The following NDUFS2 variants were observed in gnomAD, a reference collection of about 807,000 sequenced individuals.
NDUFS2 encodes NADH:ubiquinone oxidoreductase core subunit S2.
In NDUFS2, 38 loss-of-function variants were observed where a neutral mutation model predicts 69.6. The ratio of observed to expected loss-of-function variants is 0.55; its 90% CI spans 0.42 to 0.72. The LOEUF (loss-of-function observed/expected upper bound fraction) is 0.72, where lower values mean the gene tolerates loss of function less well. NDUFS2 is among the 30% of genes least tolerant of loss of function. The pLI, the probability that NDUFS2 is intolerant of heterozygous loss-of-function variation, is 0.00. For missense variants in NDUFS2, 468 were observed against 595.0 expected (o/e 0.79, Z 2.22); for synonymous variants, 194 against 211.2 (o/e 0.92, Z 0.70).
chr1:161,202,430 C>T lies in NDUFS2; in HGVS notation c.45C>T (p.Ala15=), dbSNP rs762080124. The part of the protein sequence containing the change: ...RALCGFRGVA[A]QVLRPGAGVR... Reference sequence around the variant, plus strand: ...TGTGCGGCTTCCGGGGCGTCGCGGCCCAGGTGCTGCGGCCTGGGGCTGGAG... The same window carrying T: ...TGTGCGGCTTCCGGGGCGTCGCGGCTCAGGTGCTGCGGCCTGGGGCTGGAG... The change falls in exon 1 of 14, where the codon GCC becomes GCT. Residue 15 remains alanine, a synonymous_variant. Coordinates refer to ENST00000676972, the MANE Select transcript of NDUFS2 (RefSeq NM_001377299.1). The T allele has an allele frequency of 6.2e-7, 1 of 1,612,908 alleles. No homozygotes were observed. The highest frequency in any genetic ancestry group is 8.5e-7 in the Non-Finnish European group (1 of 1,179,732).
In NDUFS2 at chr1:161,214,229, G is replaced by A; in HGVS notation, c.*36G>A. The A allele has an allele frequency of 6.3e-7, 1 of 1,586,424 alleles. No individual in the cohort carries two copies. The highest frequency in any genetic ancestry group is 1.1e-5 in the South Asian group (1 of 90,360). ...AGCGTTTGATCCCCCCTGCCTATCAGCTTCTTCTGTGGAGCCTGTTCCTCA... is the reference window on the plus strand; with the variant it reads ...AGCGTTTGATCCCCCCTGCCTATCAACTTCTTCTGTGGAGCCTGTTCCTCA... On this transcript the variant is annotated 3_prime_UTR_variant, in exon 14 of 14. Coordinates refer to ENST00000676972, the MANE Select transcript of NDUFS2 (RefSeq NM_001377299.1).
At chr1:161,211,056 G>A (rs1665744753) in intron 9 of NDUFS2, among the ~76,000 whole-genome samples, 1 of 152,050 alleles carries the variant, frequency 6.6e-6, no homozygotes, top group Admixed American at 6.6e-5. Context: ...TGTATTTTTA[G>A]TAGAGACGGG....
chr1:161,201,695 T>C (rs769169628), upstream of NDUFS2, among the ~76,000 whole-genome samples: 45 of 152,260 alleles, frequency 3.0e-4, no homozygotes, highest in Non-Finnish European at 5.7e-4. Flanking sequence ...GCCTGGAGGA[T>C]GTCAGGGTCA....
chr1:161,203,040 C>T (rs972067697), intron 1 of NDUFS2, among the ~76,000 whole-genome samples: 1 of 152,094 alleles, frequency 6.6e-6, no homozygotes, highest in Non-Finnish European at 1.5e-5. Flanking sequence ...GGCGCGGTGG[C>T]TCACACCTGT....
At chr1:161,202,209 T>C (rs557557868), upstream of NDUFS2, 32 of 674,892 alleles carry the variant, frequency 4.7e-5, no homozygotes, top group Admixed American at 1.7e-4. Flanking sequence ...GTCACTGTTA[T>C]CTAAACGCAA....
At position 161,202,418 on chromosome 1, in the gene NDUFS2, G is replaced by A; in HGVS notation, c.33G>A (p.Arg11=). MAALRALCGF[R]GVAAQVLRPG... is the part of the protein sequence containing the mutation. Reference sequence around the variant, plus strand: ...CGCTGAGGGCTTTGTGCGGCTTCCGGGGCGTCGCGGCCCAGGTGCTGCGGC... The same window carrying A: ...CGCTGAGGGCTTTGTGCGGCTTCCGAGGCGTCGCGGCCCAGGTGCTGCGGC... Residue 11 remains arginine (R), a synonymous_variant, in exon 1 of 14, where the codon CGG becomes CGA. Transcript: ENST00000676972. The A allele has an allele frequency of 6.2e-7, 1 of 1,612,938 alleles. No individual in the cohort carries two copies. Among genetic ancestry groups the A allele is most frequent in the Non-Finnish European group, 8.5e-7 (1 of 1,179,740 alleles).
chr1:161,198,582 A>G, upstream of NDUFS2: 1 of 1,544,988 alleles, frequency 6.5e-7, no homozygotes. The surrounding 1 kb of genome is among the most constrained non-coding windows in gnomAD (Gnocchi z 4.7). Flanking sequence ...CCCCACAGCC[A>G]GCGCCCTGCC....
At chr1:161,208,059 A>G (rs1034611953) in intron 3 of NDUFS2, among the ~76,000 whole-genome samples, 7 of 137,290 alleles carry the variant, frequency 5.1e-5, no homozygotes, top group Non-Finnish European at 1.1e-4. Context: ...ATCTTGGCTC[A>G]CTGCAAACTC....
chr1:161,198,131 T>G (rs950997491), upstream of NDUFS2: 37 of 1,613,848 alleles, frequency 2.3e-5, no homozygotes, highest in Non-Finnish European at 3.1e-5. The surrounding 1 kb of genome is among the most constrained non-coding windows in gnomAD (Gnocchi z 4.7). Context: ...GGTGCCTCCC[T>G]CCAGGGGCTG....
rs531198627 is a variant in NDUFS2 at position 161,213,670 on chromosome 1, G to C, written c.1234G>C (p.Val412Leu). The change falls in exon 12 of 14, where the codon GTG becomes CTG. Residue 412 changes from valine (V) to leucine (L), a missense_variant. This residue lies in a region of NDUFS2 where 72 missense variants were observed against 118.9 expected (regional missense o/e 0.61). Transcript: ENST00000676972. ...APKGEFGVYL[V>L]SDGSSRPYRC... ...ACAGGGAGAGTTTGGGGTGTACCTG[G>C]TGTCTGATGGCAGCAGCCGCCCTTA... The C allele has an allele frequency of 1.6e-4, 255 of 1,614,204 alleles. 4 individuals carry two copies. The South Asian group carries it at 2.7e-3, about 17-fold the overall frequency.
At position 161,210,675 on chromosome 1, in the gene NDUFS2, T is replaced by C. The variant is rs773033842; in HGVS notation, c.951T>C (p.Asp317=). 6.2e-7 allele frequency: 1 copy of C among 1,614,120 alleles called. No homozygotes were observed. Among genetic ancestry groups the C allele is most frequent in the Non-Finnish European group, 8.5e-7 (1 of 1,179,994 alleles). ...PYDVYDQVEF[D]VPVGSRGDCY... ...ATGTTTACGACCAGGTTGAGTTTGA[T>C]GTTCCTGTTGGTTCTCGAGGGGACT... Residue 317 remains aspartate (D), a synonymous_variant, in exon 9 of 14, where the codon GAT becomes GAC. Coordinates refer to ENST00000676972, the MANE Select transcript of NDUFS2 (RefSeq NM_001377299.1).
intron 3 of NDUFS2, 128 bp downstream of exon 3, chr1:161,206,725 CTTGG>C: frequency 9.9e-7 from 1 of 1,010,144 alleles, no homozygotes; most frequent in Non-Finnish European, 1.4e-6. Flanking sequence ...TGAGATTACT[CTTGG>C]TTGGGTGGAT....
chr1:161,210,244 A>G, intron 7 of NDUFS2, 56 bp downstream of exon 7: 1 of 1,610,020 alleles, frequency 6.2e-7, no homozygotes, highest in South Asian at 1.1e-5. Context: ...CTAGAGAAAT[A>G]CAGAGATATT....
intron 9 of NDUFS2, among the ~76,000 whole-genome samples, chr1:161,211,664 C>T (rs987169687): frequency 2.0e-5 from 3 of 151,842 alleles, no homozygotes; most frequent in Non-Finnish European, 4.4e-5. Context: ...AAACAAAAAA[C>T]GAAAACCAAA....
At chr1:161,210,758 GCCTC>G (rs1429854530) in intron 9 of NDUFS2, 48 bp downstream of exon 9, 20 of 1,612,898 alleles carry the variant, frequency 1.2e-5, no homozygotes, top group Non-Finnish European at 1.6e-5. Context: ...AGTTTCCCCT[GCCTC>G]ACTCTTCTCT....
chr1:161,210,238 A>G, intron 7 of NDUFS2, 50 bp downstream of exon 7: 1 of 1,609,970 alleles, frequency 6.2e-7, no homozygotes, highest in Non-Finnish European at 8.5e-7. Flanking sequence ...GAAGGGCTAG[A>G]GAAATACAGA....
chr1:161,206,371 TA>T, intron 2 of NDUFS2, 35 bp from the exon 3 acceptor site: 1 of 1,610,222 alleles, frequency 6.2e-7, no homozygotes, highest in Non-Finnish European at 8.5e-7. Flanking sequence ...CCCAAGGGAA[TA>T]ACCATGTGGC....
upstream of NDUFS2, chr1:161,198,264 C>T (rs1329976901): frequency 6.2e-7 from 1 of 1,613,958 alleles, no homozygotes; most frequent in African/African-American, 1.3e-5. The surrounding 1 kb of genome is among the most constrained non-coding windows in gnomAD (Gnocchi z 4.7). Flanking sequence ...CCAGGCTCTG[C>T]TCCACCCAGC....
chr1:161,198,373 C>A, upstream of NDUFS2: 1 of 1,612,794 alleles, frequency 6.2e-7, no homozygotes, highest in African/African-American at 1.3e-5. The surrounding 1 kb of genome is among the most constrained non-coding windows in gnomAD (Gnocchi z 4.7). Context: ...CAAAGGCCTG[C>A]AAGCGGCACA....
Sources: allele counts gnomAD v4.1 joint callset (sites outside exome capture counted in the v4.1 genomes callset), GRCh38; gene constraint gnomAD v4.1.1; regional missense constraint gnomAD v4.1.1; non-coding constraint Gnocchi (gnomAD v3.1); transcripts MANE v1.5; gene names NCBI Gene and HGNC (gene_info 2026-07-23, HGNC 2026-07-21).